Variants in SCG3 observed in about 807,000 individuals in gnomAD.
SCG3 encodes secretogranin-3.
In SCG3, 38 loss-of-function variants were observed where a neutral mutation model predicts 56.2. The ratio of observed to expected loss-of-function variants is 0.68; its 90% CI spans 0.52 to 0.89. SCG3 has a LOEUF of 0.89. SCG3 is among the 40% of genes least tolerant of loss of function. The pLI, the probability that SCG3 is intolerant of heterozygous loss-of-function variation, is 0.00. For missense variants in SCG3, 524 were observed against 540.7 expected (o/e 0.97, Z 0.31); for synonymous variants, 176 against 184.2 (o/e 0.96, Z 0.36).
At chr15:51,689,728 A>G (rs962854395) in intron 6 of SCG3, among the ~76,000 whole-genome samples, 7 of 152,110 alleles carry the variant, frequency 4.6e-5, no homozygotes, top group Non-Finnish European at 7.4e-5. Context: ...TTGAGGTTGC[A>G]GTGAACTATG....
chr15:51,706,459 A>G lies in SCG3; in HGVS notation c.1207+5215A>G, dbSNP rs372225160. Among the ~76,000 whole-genome samples the G allele has an allele frequency of 1.9e-4, 29 of 152,326 alleles. 2 individuals are homozygous for G. In the East Asian group the frequency reaches 1.9e-3, roughly 10 times the overall value. ...GACATAGATAGAACAGGATCCCTTC[A>G]GGACGGAAAGCTGGAGGATGTTACA... is the stretch of plus-strand genomic sequence containing the variant. On this transcript the variant is annotated intron_variant, in intron 10 of 11. Coordinates refer to ENST00000220478, the MANE Select transcript of SCG3 (RefSeq NM_013243.4).
Position 51,681,648 on chromosome 15 carries a change from A to T in SCG3, c.-108A>T. 2.3e-6 allele frequency: 1 copy of T among 437,846 alleles called. No individual in the cohort carries two copies. The highest frequency in any genetic ancestry group is 1.7e-5 in the South Asian group (1 of 60,268). 27.1% of individuals were successfully genotyped at this position (437,846 alleles called of 1,614,324 possible). A position where few individuals can be genotyped will look rare whatever the true frequency, so the allele number is the denominator to read the frequency against. On this transcript the variant is annotated 5_prime_UTR_variant, in exon 1 of 12. Coordinates refer to ENST00000220478, the MANE Select transcript of SCG3 (RefSeq NM_013243.4). ...AGTCCCGGCCCCTCTCCCGCCCCAC[A>T]CCCACCCTCCTGGCTCTTCCTGTTT...
rs1225809126 is a variant in SCG3, at chr15:51,709,684, TATATATATATATATATA to T, written c.1208-3648_1208-3632del. Among the ~76,000 whole-genome samples, 89 of 16,498 alleles carry T rather than the reference TATATATATATATATATA, an allele frequency of 5.4e-3. 1 individual carries two copies. The highest frequency in any genetic ancestry group is 0.014 in the South Asian group (8 of 578). The allele number at this position is 16,498 out of a possible 152,430, so 10.8% of individuals were successfully genotyped here. ...TGCCATATATATATATATATATATATATATATATATATATATATTTTTTTTTTTTTTTTTTTTTTTTT... is the reference window on the plus strand; with the variant it reads ...TGCCATATATATATATATATATATATTTTTTTTTTTTTTTTTTTTTTTTTT... On this transcript the variant is annotated intron_variant, in intron 10 of 11. Coordinates refer to ENST00000220478, the MANE Select transcript of SCG3 (RefSeq NM_013243.4).
intron 10 of SCG3, among the ~76,000 whole-genome samples, chr15:51,709,714 T>A (rs1180479876): frequency 1.6e-4 from 8 of 49,138 alleles, no homozygotes; most frequent in African/African-American, 4.2e-4. Flanking sequence ...TTTTTTTTTT[T>A]TTTTTTTTTT....
intron 10 of SCG3, among the ~76,000 whole-genome samples, chr15:51,705,178 C>A (rs577762815): frequency 1.4e-4 from 21 of 152,202 alleles, no homozygotes; most frequent in African/African-American, 4.8e-4. Context: ...CTGGAAGTGA[C>A]CCATGTATAG....
At chr15:51,697,132 C>CTGTGTGTGTGTGTGTGTGTGTG (rs3078107) in intron 8 of SCG3, among the ~76,000 whole-genome samples, 1 of 145,924 alleles carries the variant, frequency 6.9e-6, no homozygotes, top group African/African-American at 2.6e-5. Flanking sequence ...AGATGTTATT[C>CTGTGTGTGTGTGTGTGTGTGTG]TGTGTGTGTG....
At chr15:51,681,923 A>G (rs1394532294) in intron 1 of SCG3, 86 bp downstream of exon 1, 1 of 1,001,432 alleles carries the variant, frequency 1.0e-6, no homozygotes, top group Non-Finnish European at 1.6e-6. Context: ...GCTGTAAATC[A>G]CCCTGACGCG....
At chr15:51,692,753 G>T (rs1224513229) in intron 7 of SCG3, among the ~76,000 whole-genome samples, 1 of 151,848 alleles carries the variant, frequency 6.6e-6, no homozygotes, top group Non-Finnish European at 1.5e-5. Context: ...AACAAATATT[G>T]TATATATTTA....
At chr15:51,694,123 T>C (rs2055286472) in intron 7 of SCG3, among the ~76,000 whole-genome samples, 1 of 152,192 alleles carries the variant, frequency 6.6e-6, no homozygotes, top group Admixed American at 6.5e-5. Context: ...TCATTTCTTA[T>C]TGTCTTTATT....
intron 11 of SCG3, among the ~76,000 whole-genome samples, chr15:51,713,639 G>T (rs2305721): frequency 0.038 from 5,787 of 152,220 alleles, 294 homozygotes; most frequent in East Asian, 0.11. Flanking sequence ...CGTTTTATTA[G>T]GAAAAATGTC....
At chr15:51,705,903 C>T (rs1413544478) in intron 10 of SCG3, among the ~76,000 whole-genome samples, 3 of 152,120 alleles carry the variant, frequency 2.0e-5, no homozygotes, top group Admixed American at 6.6e-5. Flanking sequence ...AGTCCCTCTG[C>T]TATTGTTCAG....
intron 10 of SCG3, among the ~76,000 whole-genome samples, chr15:51,710,416 T>C (rs1039339313): frequency 6.6e-6 from 1 of 152,224 alleles, no homozygotes; most frequent in Non-Finnish European, 1.5e-5. Flanking sequence ...TGAATTGCAG[T>C]CCAATTTTCT....
At chr15:51,687,822 A>G (rs1184788204) in intron 4 of SCG3, among the ~76,000 whole-genome samples, 3 of 152,220 alleles carry the variant, frequency 2.0e-5, no homozygotes, top group African/African-American at 2.4e-5. Flanking sequence ...TTGCCTGCAA[A>G]GGTAGTACAT....
chr15:51,681,660 GGCTCTT>G lies in SCG3; in HGVS notation c.-95_-90del. The stretch of plus-strand genomic sequence containing the variant: ...TCTCCCGCCCCACACCCACCCTCCT[GGCTCTT>G]CCTGTTTTTACTCCTCCTTTTCATT... On this transcript the variant is annotated 5_prime_UTR_variant, in exon 1 of 12. Coordinates refer to ENST00000220478, the MANE Select transcript of SCG3 (RefSeq NM_013243.4). The G allele has an allele frequency of 1.7e-6, 1 of 603,576 alleles. No individual in the cohort carries two copies. Among genetic ancestry groups the G allele is most frequent in the Middle Eastern group, 4.9e-4 (1 of 2,030 alleles). The allele number at this position is 603,576 out of a possible 1,614,324, so 37.4% of individuals were successfully genotyped here.
chr15:51,718,759 A>T (rs1432010346), intron 11 of SCG3, among the ~76,000 whole-genome samples: 2 of 152,062 alleles, frequency 1.3e-5, no homozygotes, highest in African/African-American at 2.4e-5. Context: ...TAAGGAGGAC[A>T]GAGGAACCAA....
chr15:51,698,165 C>T (rs1310910880), intron 8 of SCG3, among the ~76,000 whole-genome samples: 1 of 152,138 alleles, frequency 6.6e-6, no homozygotes, highest in Non-Finnish European at 1.5e-5. Flanking sequence ...GAGGAGTTTA[C>T]TTGGGGAGAA....
chr15:51,704,279 A>ATATATATG (rs2072703209), intron 10 of SCG3, among the ~76,000 whole-genome samples: 2 of 130,836 alleles, frequency 1.5e-5, no homozygotes, highest in African/African-American at 6.1e-5. Flanking sequence ...ATATATATAT[A>ATATATATG]AAATAGCTCT....
At chr15:51,686,930 GA>G (rs1407430438) in intron 4 of SCG3, among the ~76,000 whole-genome samples, 45 of 152,202 alleles carry the variant, frequency 3.0e-4, no homozygotes, top group Non-Finnish European at 1.9e-4. Flanking sequence ...TATTTTCATA[GA>G]GTCTGAAAGA....
intron 5 of SCG3, 145 bp downstream of exon 5, chr15:51,688,547 AC>A: frequency 1.5e-6 from 1 of 667,064 alleles, no homozygotes; most frequent in Non-Finnish European, 2.4e-6. Flanking sequence ...CAAGCAAAGC[AC>A]CATTCTTTTT....
Sources: allele counts gnomAD v4.1 joint callset (sites outside exome capture counted in the v4.1 genomes callset), GRCh38; gene constraint gnomAD v4.1.1; transcripts MANE v1.5; gene names NCBI Gene and HGNC (gene_info 2026-07-23, HGNC 2026-07-21).